The following STPG2 variants were observed in gnomAD, a reference collection of about 807,000 sequenced individuals.
STPG2 encodes the protein sperm tail PG-rich repeat containing 2.
Under a neutral mutation model 54.2 loss-of-function variants are expected in STPG2, and 56 were observed. The ratio of observed to expected loss-of-function variants is 1.03; its 90% CI spans 0.83 to 1.29. STPG2 has a LOEUF of 1.29. STPG2 is among the 50% of genes most tolerant of loss of function. STPG2 has a pLI of 0.00. For missense variants in STPG2, 596 were observed against 544.9 expected, an observed-to-expected ratio of 1.09 and a Z score of -0.93; for synonymous variants, 200 against 181.8, an observed-to-expected ratio of 1.10 and a Z score of -0.81.
intron 10 of STPG2, among the ~76,000 whole-genome samples, chr4:97,595,752 A>T (rs995496393): frequency 1.3e-5 from 2 of 152,182 alleles, no homozygotes; most frequent in African/African-American, 4.8e-5. Context: ...CTATCTTACA[A>T]GTGGTCCTGA....
intron 5 of STPG2, among the ~76,000 whole-genome samples, chr4:97,996,083 G>T (rs1735199100): frequency 6.6e-6 from 1 of 152,020 alleles, no homozygotes; most frequent in Admixed American, 6.6e-5. Flanking sequence ...TTAGAAAAAA[G>T]AAAGCTATTT....
At chr4:97,831,987 A>G (rs1425189098) in intron 9 of STPG2, among the ~76,000 whole-genome samples, 1 of 152,176 alleles carries the variant, frequency 6.6e-6, no homozygotes, top group South Asian at 2.1e-4. Flanking sequence ...TGCAAACAAT[A>G]GAAAAGAAGG....
At chr4:97,857,570 A>T (rs774631163) in intron 8 of STPG2, among the ~76,000 whole-genome samples, 1 of 151,964 alleles carries the variant, frequency 6.6e-6, no homozygotes, top group Non-Finnish European at 1.5e-5. Flanking sequence ...TCTAACTAGC[A>T]GTCTATTTTA....
chr4:97,972,038 C>A (rs1455366499), intron 7 of STPG2, among the ~76,000 whole-genome samples: 1 of 152,044 alleles, frequency 6.6e-6, no homozygotes, highest in Non-Finnish European at 1.5e-5. Context: ...AACAAATCCC[C>A]AGAGCATATT....
intron 4 of STPG2, among the ~76,000 whole-genome samples, chr4:97,504,665 T>C (rs184592871): frequency 4.6e-5 from 7 of 152,014 alleles, no homozygotes; most frequent in African/African-American, 1.7e-4. Flanking sequence ...ATCTGAAACA[T>C]AGGAAAACAA....
intron 5 of STPG2, among the ~76,000 whole-genome samples, chr4:98,065,024 C>T (rs1737785852): frequency 6.6e-6 from 1 of 152,072 alleles, no homozygotes; most frequent in African/African-American, 2.4e-5. Context: ...CTCAGCCTCC[C>T]CGGTAGCTGG....
At chr4:97,460,941 A>C (rs760526256) in intron 4 of STPG2, among the ~76,000 whole-genome samples, 43 of 152,352 alleles carry the variant, frequency 2.8e-4, no homozygotes, top group African/African-American at 1.0e-3. Context: ...GTGGTTGCAT[A>C]TAACATTCAT....
intron 4 of STPG2, among the ~76,000 whole-genome samples, chr4:97,478,985 T>C (rs1430460987): frequency 1.3e-5 from 2 of 150,510 alleles, no homozygotes; most frequent in Non-Finnish European, 3.0e-5. Context: ...CAATTGTTCA[T>C]CCTCATTAAT....
rs1162046373 is a variant in STPG2, at chr4:97,739,868, C to T, written c.1205-27054G>A. ...ATCCTCCCTAACTCATTTTATGATG[C>T]CAGCATCATCCTGATACCAAAGCCG... On this transcript the variant is annotated intron_variant, in intron 9 of 10. Transcript: ENST00000295268. Among the ~76,000 whole-genome samples, 4 of 152,176 alleles carry T rather than the reference C, an allele frequency of 2.6e-5. No homozygotes were observed. The East Asian group carries it at 5.8e-4, about 22-fold the overall frequency.
At chr4:98,134,713 G>A (rs1032801352) in intron 1 of STPG2, among the ~76,000 whole-genome samples, 7 of 150,860 alleles carry the variant, frequency 4.6e-5, no homozygotes, top group African/African-American at 1.7e-4. Context: ...AGAAAATAAA[G>A]CACTCTTATC....
intron 8 of STPG2, among the ~76,000 whole-genome samples, chr4:97,937,360 CT>C (rs1560599202): frequency 2.0e-5 from 3 of 152,102 alleles, no homozygotes; most frequent in African/African-American, 7.2e-5. Flanking sequence ...TATTATCCAC[CT>C]TTCTAAAGGC....
At chr4:97,611,641 G>A (rs1279071251) in intron 10 of STPG2, among the ~76,000 whole-genome samples, 8 of 151,882 alleles carry the variant, frequency 5.3e-5, no homozygotes, top group Non-Finnish European at 1.0e-4. Flanking sequence ...AAGTAATAAT[G>A]TAAGAACTGA....
intron 4 of STPG2, among the ~76,000 whole-genome samples, chr4:97,542,040 C>A (rs1731722054): frequency 6.6e-6 from 1 of 152,086 alleles, no homozygotes; most frequent in African/African-American, 2.4e-5. Flanking sequence ...CTAGGCAATA[C>A]CATTCAGGAC....
chr4:97,718,475 T>G (rs1433735918), intron 9 of STPG2, among the ~76,000 whole-genome samples: 1 of 152,020 alleles, frequency 6.6e-6, no homozygotes, highest in African/African-American at 2.4e-5. Context: ...GGAGCCTACA[T>G]TATTTATTTA....
intron 5 of STPG2, among the ~76,000 whole-genome samples, chr4:98,009,427 C>A (rs1044419378): frequency 2.0e-5 from 3 of 151,878 alleles, no homozygotes; most frequent in Non-Finnish European, 4.4e-5. Context: ...ACTTTCATAT[C>A]ATTATGATTC....
chr4:97,617,920 T>C (rs1323641055), intron 10 of STPG2, among the ~76,000 whole-genome samples: 2 of 152,156 alleles, frequency 1.3e-5, no homozygotes, highest in Non-Finnish European at 2.9e-5. Context: ...AGGTCTCTAT[T>C]ATTATTCAGT....
At chr4:97,472,073 C>A (rs1403633851) in intron 4 of STPG2, among the ~76,000 whole-genome samples, 2 of 152,062 alleles carry the variant, frequency 1.3e-5, no homozygotes, top group African/African-American at 4.8e-5. Context: ...TCCATCATAA[C>A]AACAACTAGA....
intron 8 of STPG2, among the ~76,000 whole-genome samples, chr4:97,842,652 T>A (rs530137778): frequency 2.8e-4 from 43 of 152,038 alleles, no homozygotes; most frequent in African/African-American, 9.4e-4. Flanking sequence ...CTATTTTTTT[T>A]AATAACTTGA....
chr4:97,486,095 A>G (rs1730349100), intron 4 of STPG2, among the ~76,000 whole-genome samples: 1 of 151,292 alleles, frequency 6.6e-6, no homozygotes, highest in Admixed American at 6.6e-5. Flanking sequence ...ATTCTAGAAG[A>G]TAATAGACAT....
Sources: allele counts gnomAD v4.1 joint callset (sites outside exome capture counted in the v4.1 genomes callset), GRCh38; gene constraint gnomAD v4.1.1; transcripts MANE v1.5; gene names NCBI Gene and HGNC (gene_info 2026-07-23, HGNC 2026-07-21).